Variants in SCYL1 observed in about 807,000 individuals in gnomAD.
SCYL1 encodes the protein N-terminal kinase-like protein.
SCYL1 carries 85 observed loss-of-function variants against 94.8 expected under a neutral mutation model. The ratio of observed to expected loss-of-function variants is 0.90; its 90% CI spans 0.75 to 1.07. The LOEUF (loss-of-function observed/expected upper bound fraction) is 1.07, where lower values mean the gene tolerates loss of function less well. Ranked by LOEUF, SCYL1 falls within the 50% of genes least tolerant of loss-of-function variation. The probability of loss-of-function intolerance (pLI) is 0.00; values close to 1 mark genes in which losing one functional copy is unlikely to be tolerated. For synonymous variants in SCYL1, 459 were observed against 435.5 expected, an observed-to-expected ratio of 1.05 and a Z score of -0.67; for missense variants, 968 against 1,083.3, an observed-to-expected ratio of 0.89 and a Z score of 1.49.
At position 65,537,050 on chromosome 11, in the gene SCYL1, G is replaced by A. The variant is rs767087829; in HGVS notation, c.1881G>A (p.Thr627=). 2.9e-5 allele frequency: 47 copies of A among 1,613,728 alleles called. No homozygotes were observed. Among genetic ancestry groups the A allele is most frequent in the South Asian group, 3.3e-5 (3 of 91,076 alleles). ...ATPTTSGHWE[T]QEEDKDTAED... is the part of the protein sequence containing the mutation. ...CTACAACCTCAGGCCACTGGGAGAC[G>A]CAGGAGGAGGACAAGGACACAGCAG... Residue 627 remains threonine (T), a synonymous_variant, in exon 14 of 18, where the codon ACG becomes ACA. Transcript: ENST00000270176.
chr11:65,526,442 C>G lies in SCYL1; in HGVS notation c.602+92C>G, dbSNP rs529285773. ...CTAGACTAGTTGGCACTCCCCTGTT[C>G]CCTGCTGCCTGGCTGGGGAGGGAAT... is the stretch of plus-strand genomic sequence containing the variant. On this transcript the variant is annotated intron_variant, in intron 4 of 17. Transcript: ENST00000270176. The surrounding 1 kb of genome is among the most constrained non-coding windows in gnomAD (Gnocchi z 4.1). 3 of 1,028,928 alleles carry G rather than the reference C, an allele frequency of 2.9e-6. No individual in the cohort carries two copies. The highest frequency in any genetic ancestry group is 4.2e-6 in the Non-Finnish European group (3 of 708,788). The allele number at this position is 1,028,928 out of a possible 1,614,324, so 63.7% of individuals were successfully genotyped here. A position where few individuals can be genotyped will look rare whatever the true frequency, so the allele number is the denominator to read the frequency against.
At position 65,531,678 on chromosome 11, in the gene SCYL1, C is replaced by A; in HGVS notation, c.1111C>A (p.Gln371Lys). The A allele has an allele frequency of 6.2e-7, 1 of 1,611,724 alleles. No individual in the cohort carries two copies. The highest frequency in any genetic ancestry group is 8.5e-7 in the Non-Finnish European group (1 of 1,177,952). Residue 371 changes from glutamine to lysine, a missense_variant, in exon 8 of 18, where the codon CAG becomes AAG. Physicochemically the swap from Gln to Lys is moderately conservative, Grantham distance 53 (BLOSUM62 1). Transcript: ENST00000270176. ...TDRAMRIRLL[Q>K]QMEQFIQYLD... ...CCGGGCCATGCGCATCCGCCTCCTGCAGCAGGTGAGGCCTCTGTACCAGAC... is the reference window on the plus strand; with the variant it reads ...CCGGGCCATGCGCATCCGCCTCCTGAAGCAGGTGAGGCCTCTGTACCAGAC...
chr11:65,525,765 C>T (rs1314779750), intron 2 of SCYL1, 51 bp downstream of exon 2: 2 of 1,604,814 alleles, frequency 1.2e-6, no homozygotes, highest in Admixed American at 1.7e-5. Flanking sequence ...GTCCTGGTTA[C>T]CCACTCCTGT....
chr11:65,531,454 C>G (rs1290813903), intron 7 of SCYL1, 122 bp from the exon 8 acceptor site: 6 of 718,870 alleles, frequency 8.3e-6, no homozygotes, highest in Admixed American at 4.2e-5. Context: ...GAGGAAATGC[C>G]TGCCCCCCCC....
At chr11:65,533,113 C>G in intron 9 of SCYL1, 3 of 342,484 alleles carry the variant, frequency 8.8e-6, no homozygotes, top group Non-Finnish European at 1.7e-5. Flanking sequence ...CCAGACAATA[C>G]AACAGAATTA....
intron 9 of SCYL1, among the ~76,000 whole-genome samples, chr11:65,534,735 T>TA (rs1041955496): frequency 2.1e-4 from 32 of 152,168 alleles, no homozygotes; most frequent in African/African-American, 7.2e-4. Flanking sequence ...GTGTGAACGT[T>TA]AGAGTCTCAG....
chr11:65,535,863 G>A (rs1401306722), intron 10 of SCYL1, 90 bp from the exon 11 acceptor site: 20 of 1,251,302 alleles, frequency 1.6e-5, no homozygotes, highest in African/African-American at 3.0e-5. Flanking sequence ...GGGACCTATG[G>A]GTGGTCCCAT....
At chr11:65,530,580 G>A in intron 6 of SCYL1, 49 bp from the exon 7 acceptor site, 1 of 1,577,366 alleles carries the variant, frequency 6.3e-7, no homozygotes, top group Non-Finnish European at 8.6e-7. Context: ...CTGGGTTTGG[G>A]CTGCAACCAG....
intron 9 of SCYL1, among the ~76,000 whole-genome samples, chr11:65,534,576 T>C (rs1183249102): frequency 6.6e-6 from 1 of 152,186 alleles, no homozygotes; most frequent in Non-Finnish European, 1.5e-5. Context: ...CCACTGGTTA[T>C]GCATGTGTGA....
At chr11:65,534,635 C>G (rs1315095496) in intron 9 of SCYL1, among the ~76,000 whole-genome samples, 1 of 152,080 alleles carries the variant, frequency 6.6e-6, no homozygotes, top group Non-Finnish European at 1.5e-5. Context: ...GTTGTCAGCT[C>G]ACAAGATGGC....
chr11:65,535,066 TC>T (rs1855567710), intron 9 of SCYL1, 160 bp from the exon 10 acceptor site: 1 of 789,116 alleles, frequency 1.3e-6, no homozygotes, highest in African/African-American at 1.7e-5. Flanking sequence ...AGAAATGGGG[TC>T]CCTTTCTTCA....
chr11:65,535,450 G>T, intron 10 of SCYL1, 68 bp downstream of exon 10: 2 of 1,579,138 alleles, frequency 1.3e-6, no homozygotes, highest in African/African-American at 2.7e-5. Flanking sequence ...CCAGGGCCAG[G>T]AGTCTTGTGT....
intron 6 of SCYL1, among the ~76,000 whole-genome samples, chr11:65,530,078 T>C (rs1165517330): frequency 6.6e-6 from 1 of 152,182 alleles, no homozygotes; most frequent in Non-Finnish European, 1.5e-5. Flanking sequence ...CTGGTCCATT[T>C]TGGCTCAGTG....
In SCYL1 at chr11:65,531,600, G is replaced by A; in HGVS notation, c.1033G>A (p.Glu345Lys). The part of the protein sequence containing the change: ...FKVGKFLSAE[E>K]YQQKIIPVVV... ...GGTGGGCAAGTTCCTGAGCGCTGAG[G>A]AGTATCAGCAGAAGATCATCCCTGT... The change falls in exon 8 of 18, where the codon GAG (glutamate) becomes AAG (lysine). Residue 345 changes from glutamate to lysine, a missense_variant. Coordinates refer to ENST00000270176, the MANE Select transcript of SCYL1 (RefSeq NM_020680.4). 1 of 1,613,996 alleles carries A rather than the reference G, an allele frequency of 6.2e-7. No homozygotes were observed. The highest frequency in any genetic ancestry group is 1.1e-5 in the South Asian group (1 of 91,072).
chr11:65,538,152 C>T lies in SCYL1; in HGVS notation c.2217C>T (p.Phe739=), dbSNP rs759727682. 16 of 1,596,282 alleles carry T rather than the reference C, an allele frequency of 1.0e-5. No individual in the cohort carries two copies. Among genetic ancestry groups the T allele is most frequent in the African/African-American group, 9.4e-5 (7 of 74,562 alleles). The change falls in exon 16 of 18, where the codon TTC becomes TTT. Residue 739 remains phenylalanine (F), a synonymous_variant. Transcript: ENST00000270176. ...AGTCCAGCGACAAGGGCGACCCCTTCGCTACCCTGTCTGCACGTCCCAGCA... is the reference window on the plus strand; with the variant it reads ...AGTCCAGCGACAAGGGCGACCCCTTTGCTACCCTGTCTGCACGTCCCAGCA... ...GPESSDKGDP[F]ATLSARPSTQ... is the part of the protein sequence containing the mutation.
Position 65,538,324 on chromosome 11 carries a change from C to G in SCYL1, c.2302C>G (p.Arg768Gly), listed in dbSNP as rs1301516986. Residue 768 changes from arginine to glycine, a missense_variant and splice_region_variant, in exon 17 of 18, where the codon CGA becomes GGA. Around this residue, in one of 2 missense-constraint regions of SCYL1, gnomAD observed 474 missense variants for 463.6 expected, o/e 1.02. Transcript: ENST00000270176. ...CTGGGAGGGCCTCGAGACTGACAGT[C>G]GTAAGTGCTTCCCCTGGGTGGGCTG... ...DNWEGLETDS[R>G]QVKAELARKK... The G allele has an allele frequency of 3.9e-6, 6 of 1,547,938 alleles. No homozygotes were observed. Among genetic ancestry groups the G allele is most frequent in the Non-Finnish European group, 5.2e-6 (6 of 1,144,998 alleles).
rs3814753 is a variant in SCYL1, at chr11:65,531,462, C to T, written c.1009-114C>T. On this transcript the variant is annotated intron_variant, in intron 7 of 17. Coordinates refer to ENST00000270176, the MANE Select transcript of SCYL1 (RefSeq NM_020680.4). ...AGCTACTGAGGAAATGCCTGCCCCC[C>T]CCTCCGCCATCACTTCATTCCCACC... The T allele has an allele frequency of 1.3e-4, 96 of 743,992 alleles. 1 individual carries two copies. The highest frequency in any genetic ancestry group is 1.1e-3 in the East Asian group (40 of 37,312). The allele number at this position is 743,992 out of a possible 1,614,324, so 46.1% of individuals were successfully genotyped here.
In SCYL1 at chr11:65,531,655, G is replaced by C; in HGVS notation, c.1088G>C (p.Arg363Pro). 3 of 1,613,710 alleles carry C rather than the reference G, an allele frequency of 1.9e-6. No homozygotes were observed. The highest frequency in any genetic ancestry group is 2.5e-6 in the Non-Finnish European group (3 of 1,179,730). The change falls in exon 8 of 18, where the codon CGG becomes CCG. Residue 363 changes from arginine to proline, a missense_variant. Coordinates refer to ENST00000270176, the MANE Select transcript of SCYL1 (RefSeq NM_020680.4). ...VVVKMFSSTDRAMRIRLLQQM... is the reference protein window; with the variant it reads ...VVVKMFSSTDPAMRIRLLQQM... ...GTCAAGATGTTCTCATCCACTGACC[G>C]GGCCATGCGCATCCGCCTCCTGCAG...
At position 65,525,584 on chromosome 11, in the gene SCYL1, G is replaced by C. The variant is rs764723141; in HGVS notation, c.122G>C (p.Ser41Thr). Residue 41 changes from serine (S) to threonine (T), a missense_variant, in exon 2 of 18, where the codon AGC (serine) becomes ACC (threonine). Coordinates refer to ENST00000270176, the MANE Select transcript of SCYL1 (RefSeq NM_020680.4). ...GCTGCCCTCCCCTAGGCCACAGGCA[G>C]CCCCGTGTCCATCTTCGTCTATGAT... ...LHRGRKKATG[S>T]PVSIFVYDVK... 5.6e-6 allele frequency: 9 copies of C among 1,612,178 alleles called. No individual in the cohort carries two copies. The African/African-American group carries it at 1.2e-4, about 22-fold the overall frequency.
Sources: allele counts gnomAD v4.1 joint callset (sites outside exome capture counted in the v4.1 genomes callset), GRCh38; gene constraint gnomAD v4.1.1; regional missense constraint gnomAD v4.1.1; non-coding constraint Gnocchi (gnomAD v3.1); transcripts MANE v1.5; gene names NCBI Gene and HGNC (gene_info 2026-07-23, HGNC 2026-07-21).